Variants in AGBL1 observed in about 807,000 individuals in gnomAD.
The protein encoded by AGBL1 is AGBL carboxypeptidase 1.
A neutral mutation model predicts 118.9 loss-of-function variants in AGBL1; 130 were observed. The observed-to-expected ratio is 1.09, with a 90% CI of 0.95 to 1.26. The LOEUF is 1.26. Among genes scored for constraint, AGBL1 ranks in the 50% most tolerant of loss-of-function variants. The pLI, the probability that AGBL1 is intolerant of heterozygous loss-of-function variation, is 0.00. For missense variants in AGBL1, 1,584 were observed against 1,298.1 expected (o/e 1.22, Z -3.38); for synonymous variants, 555 against 478.9 (o/e 1.16, Z -2.08).
At chr15:86,662,230 C>T (rs1312897196) in intron 21 of AGBL1, among the ~76,000 whole-genome samples, 1 of 152,192 alleles carries the variant, frequency 6.6e-6, no homozygotes, top group African/African-American at 2.4e-5. Flanking sequence ...TGCTATGCCT[C>T]TGTGTGTAAT....
At chr15:86,555,496 CAG>C (rs1010497371) in intron 21 of AGBL1, among the ~76,000 whole-genome samples, 3 of 152,112 alleles carry the variant, frequency 2.0e-5, no homozygotes, top group African/African-American at 7.2e-5. Context: ...TTTTTTAACT[CAG>C]AGCTACCGAA....
chr15:86,397,421 C>T lies in AGBL1; in HGVS notation c.2430C>T (p.Ala810=). 1 of 1,613,002 alleles carries T rather than the reference C, an allele frequency of 6.2e-7. No homozygotes were observed. The highest frequency in any genetic ancestry group is 8.5e-7 in the Non-Finnish European group (1 of 1,179,310). ...TARVHPGESN[A]SWVMKGTLEF... Reference sequence around the variant, plus strand: ...GAGTTCATCCAGGAGAGAGCAATGCCAGTTGGGTGATGAAGGGTACCTTGG... The same window carrying T: ...GAGTTCATCCAGGAGAGAGCAATGCTAGTTGGGTGATGAAGGGTACCTTGG... Residue 810 remains alanine, a synonymous_variant, in exon 18 of 23, where the codon GCC becomes GCT. Coordinates refer to ENST00000614907, the MANE Select transcript of AGBL1 (RefSeq NM_001386094.1).
intron 5 of AGBL1, among the ~76,000 whole-genome samples, chr15:86,187,970 A>G (rs1269674130): frequency 2.0e-5 from 3 of 152,234 alleles, no homozygotes; most frequent in Non-Finnish European, 4.4e-5. Flanking sequence ...TTTCTAATAG[A>G]TACAGTACAG....
At chr15:86,649,490 C>T (rs940036021) in intron 21 of AGBL1, among the ~76,000 whole-genome samples, 1 of 152,124 alleles carries the variant, frequency 6.6e-6, no homozygotes, top group Non-Finnish European at 1.5e-5. Flanking sequence ...GAAGTGAGCC[C>T]AATCAGCAGA....
At chr15:86,146,508 T>G (rs2077035441) in intron 3 of AGBL1, among the ~76,000 whole-genome samples, 1 of 152,202 alleles carries the variant, frequency 6.6e-6, no homozygotes, top group African/African-American at 2.4e-5. Context: ...AATTCCAGGG[T>G]GCTGTGAGGA....
rs1408043203 is a variant in AGBL1, at chr15:86,734,994, TCTTTTGTGCTC to T, written c.3158+60559_3158+60569del. 7.2e-3 allele frequency among the ~76,000 whole-genome samples: 1,099 copies of T among 152,192 alleles called. 5 individuals carry two copies. The highest frequency in any genetic ancestry group is 0.023 in the African/African-American group (934 of 41,500). On this transcript the variant is annotated intron_variant, in intron 22 of 22. Coordinates refer to ENST00000614907, the MANE Select transcript of AGBL1 (RefSeq NM_001386094.1). The stretch of plus-strand genomic sequence containing the variant: ...TGTGTTTCCATCCAGTTTTCTATTT[TCTTTTGTGCTC>T]ATACCTTGATATGTTCATAGGCATC...
intron 23 of AGBL1, among the ~76,000 whole-genome samples, chr15:86,969,813 T>A (rs1254920416): frequency 6.6e-6 from 1 of 151,928 alleles, no homozygotes; most frequent in Non-Finnish European, 1.5e-5. Flanking sequence ...AGTGGGAATT[T>A]AAGGAAACAG....
intron 22 of AGBL1, among the ~76,000 whole-genome samples, chr15:86,905,783 G>A (rs1020916489): frequency 1.3e-5 from 2 of 152,160 alleles, no homozygotes; most frequent in Non-Finnish European, 2.9e-5. Flanking sequence ...CAGGCTCCCA[G>A]GGTTCTCAAT....
At chr15:86,380,830 C>T (rs1596040656) in intron 17 of AGBL1, among the ~76,000 whole-genome samples, 1 of 152,174 alleles carries the variant, frequency 6.6e-6, no homozygotes, top group African/African-American at 2.4e-5. Flanking sequence ...TTAATGGCTA[C>T]ACAGCAGAAC....
chr15:86,419,373 C>G (rs112138494), intron 18 of AGBL1, among the ~76,000 whole-genome samples: 7 of 152,232 alleles, frequency 4.6e-5, no homozygotes, highest in African/African-American at 1.7e-4. Flanking sequence ...GAAACTCCCT[C>G]GTAGCCAAGG....
At position 86,576,651 on chromosome 15, in the gene AGBL1, C is replaced by T. The variant is rs113905949; in HGVS notation, c.2994+22114C>T. On this transcript the variant is annotated intron_variant, in intron 21 of 22. Transcript: ENST00000614907. ...AGGCAGTGATATAGTTTGGCTGTGT[C>T]CTCACCCAAATCTCACCTTGAATTC... 6.8e-3 allele frequency among the ~76,000 whole-genome samples: 1,031 copies of T among 152,302 alleles called. 13 individuals are homozygous for T. The highest frequency in any genetic ancestry group is 0.022 in the African/African-American group (935 of 41,566).
chr15:86,811,287 T>C (rs965738811), intron 22 of AGBL1, among the ~76,000 whole-genome samples: 7 of 152,122 alleles, frequency 4.6e-5, no homozygotes, highest in African/African-American at 1.4e-4. Flanking sequence ...AATATCACTC[T>C]GGTAAAATAA....
chr15:87,008,449 G>A (rs2081525816), intron 24 of AGBL1, among the ~76,000 whole-genome samples: 2 of 152,170 alleles, frequency 1.3e-5, no homozygotes, highest in Non-Finnish European at 2.9e-5. Flanking sequence ...CCAGCCATGT[G>A]GAACTGTAAA....
chr15:86,321,334 C>T, intron 17 of AGBL1, among the ~76,000 whole-genome samples: 1 of 152,034 alleles, frequency 6.6e-6, no homozygotes, highest in East Asian at 1.9e-4. Context: ...GACAAGTTGT[C>T]CTTATTTTTT....
chr15:86,448,062 C>G (rs1326042042), intron 18 of AGBL1, among the ~76,000 whole-genome samples: 1 of 152,102 alleles, frequency 6.6e-6, no homozygotes, highest in Non-Finnish European at 1.5e-5. Context: ...GGAGGGTCAC[C>G]TGAGCCAGGG....
Position 86,980,589 on chromosome 15 carries a change from A to T in AGBL1, c.3222-7398A>T, listed in dbSNP as rs145293683. On this transcript the variant is annotated intron_variant, in intron 23 of 24. Coordinates refer to the AGBL1 transcript ENST00000441037. ...TCTCCTAGGTTGTGGGCTGCAGCAG[A>T]CATATTAGAGAGATTTTTTGAGAAA... 1.5e-4 allele frequency among the ~76,000 whole-genome samples: 23 copies of T among 152,324 alleles called. No homozygotes were observed. The East Asian group carries it at 4.4e-3, about 29-fold the overall frequency.
intron 22 of AGBL1, among the ~76,000 whole-genome samples, chr15:86,698,393 G>A (rs2086298638): frequency 6.6e-6 from 1 of 151,940 alleles, no homozygotes; most frequent in Non-Finnish European, 1.5e-5. Flanking sequence ...GGTTCAGAGT[G>A]ATTAAACACT....
At chr15:86,599,638 A>G (rs1437990817) in intron 21 of AGBL1, among the ~76,000 whole-genome samples, 1 of 152,118 alleles carries the variant, frequency 6.6e-6, no homozygotes, top group East Asian at 1.9e-4. Flanking sequence ...CGGTGATAAT[A>G]TCATGTTCCA....
chr15:86,469,974 G>GGGTATATA (rs2082458412), intron 18 of AGBL1, among the ~76,000 whole-genome samples: 3 of 152,062 alleles, frequency 2.0e-5, no homozygotes, highest in Admixed American at 2.0e-4. Flanking sequence ...TTGGATGTTA[G>GGGTATATA]CCCCTTACAG....
Sources: gnomAD v4.1 joint callset for allele counts (sites outside exome capture counted in the v4.1 genomes callset) on GRCh38, gnomAD v4.1.1 for gene constraint, MANE v1.5 for transcripts, NCBI Gene and HGNC (gene_info 2026-07-23, HGNC 2026-07-21) for gene names.